Variants in GHR observed in about 807,000 individuals in gnomAD.
GHR encodes the protein GH receptor.
Under a neutral mutation model 67.1 loss-of-function variants are expected in GHR, and 35 were observed. The ratio of observed to expected loss-of-function variants is 0.52; its 90% confidence interval spans 0.40 to 0.69. GHR has a LOEUF of 0.69. GHR is among the 30% of genes least tolerant of loss of function. The pLI is 0.00. For missense variants in GHR, 792 were observed against 764.6 expected (o/e 1.04, Z -0.42); for synonymous variants, 272 against 269.1 (o/e 1.01, Z -0.10).
rs1448385859 is a variant in GHR at position 42,661,653 on chromosome 5, CCAAATTGTAAAGACCAT to C, written c.137-27233_137-27217del. On this transcript the variant is annotated intron_variant, in intron 3 of 9. Transcript: ENST00000230882. ...AGGTACCAGCCACTGCAAAATCATGCCAAATTGTAAAGACCATCAAGGCTAGGAAGAAACTGCATCAA... is the reference window on the plus strand; with the variant it reads ...AGGTACCAGCCACTGCAAAATCATGCCAAGGCTAGGAAGAAACTGCATCAA... Among the ~76,000 whole-genome samples, 446 of 152,252 alleles carry C rather than the reference CCAAATTGTAAAGACCAT, an allele frequency of 2.9e-3. 2 individuals are homozygous for C. The highest frequency in any genetic ancestry group is 5.4e-3 in the Admixed American group (82 of 15,302).
intron 1 of GHR, among the ~76,000 whole-genome samples, chr5:42,497,932 G>A (rs1746386871): frequency 6.6e-6 from 1 of 152,114 alleles, no homozygotes; most frequent in African/African-American, 2.4e-5. Context: ...GTATCTTCAG[G>A]CCCTGAAGTC....
chr5:42,624,261 A>G (rs1347449624), intron 2 of GHR, among the ~76,000 whole-genome samples: 1 of 152,182 alleles, frequency 6.6e-6, no homozygotes, highest in Non-Finnish European at 1.5e-5. Flanking sequence ...GGGCTCCCCA[A>G]GCATTTCCAG....
At chr5:42,468,530 G>A in intron 1 of GHR, 1 of 805,286 alleles carries the variant, frequency 1.2e-6, no homozygotes, top group Non-Finnish European at 2.0e-6. Context: ...AGCTCCTACT[G>A]GCACGAGAAC....
intron 2 of GHR, among the ~76,000 whole-genome samples, chr5:42,609,158 A>T (rs1332030460): frequency 6.6e-6 from 1 of 152,184 alleles, no homozygotes; most frequent in Non-Finnish European, 1.5e-5. Context: ...ACTAGCTCCC[A>T]GGCCTGAAAG....
chr5:42,574,422 G>A (rs73751217), intron 2 of GHR, among the ~76,000 whole-genome samples: 1,653 of 152,336 alleles, frequency 0.011, 38 homozygotes, highest in African/African-American at 0.038. Context: ...TCGTAAGCAC[G>A]GTTGACTAGC....
intron 6 of GHR, 91 bp downstream of exon 6, chr5:42,700,093 A>G (rs1383671698): frequency 9.1e-6 from 7 of 769,282 alleles, no homozygotes; most frequent in African/African-American, 3.4e-5. Flanking sequence ...TTGACCTAAT[A>G]CCACATGTTC....
chr5:42,555,282 G>T (rs1158274337), intron 1 of GHR, among the ~76,000 whole-genome samples: 2 of 152,198 alleles, frequency 1.3e-5, no homozygotes, highest in Non-Finnish European at 2.9e-5. Context: ...CTTGAGCAAT[G>T]TAATACAGCC....
rs899144611 is a variant in GHR at position 42,565,588 on chromosome 5, G to A, written c.-11-276G>A. The A allele has an allele frequency of 5.1e-6, 5 of 985,354 alleles. No homozygotes were observed. The African/African-American group carries it at 8.7e-5, about 17-fold the overall frequency. 61.0% of individuals were successfully genotyped at this position (985,354 alleles called of 1,614,324 possible). ...GCATGGGGGTCGTTTGCTGTGAGGT[G>A]TTTCTATGGCTTTGAGCCAGGGTAT... On this transcript the variant is annotated intron_variant, in intron 1 of 9. Coordinates refer to ENST00000230882, the MANE Select transcript of GHR (RefSeq NM_000163.5).
At chr5:42,544,111 C>A (rs1009625293) in intron 1 of GHR, among the ~76,000 whole-genome samples, 1 of 152,086 alleles carries the variant, frequency 6.6e-6, no homozygotes, top group African/African-American at 2.4e-5. Flanking sequence ...TGGCAAAAAT[C>A]AAGCTGATTA....
intron 3 of GHR, among the ~76,000 whole-genome samples, chr5:42,668,844 T>C (rs1245815237): frequency 1.3e-5 from 2 of 152,070 alleles, no homozygotes; most frequent in Non-Finnish European, 2.9e-5. Context: ...AAATCATAAG[T>C]TAGAAATGTC....
intron 2 of GHR, among the ~76,000 whole-genome samples, chr5:42,571,288 G>A (rs1750295325): frequency 6.6e-6 from 1 of 152,208 alleles, no homozygotes; most frequent in Non-Finnish European, 1.5e-5. Context: ...TCTACCCTGG[G>A]TCCTGCAGCT....
intron 2 of GHR, among the ~76,000 whole-genome samples, chr5:42,576,833 A>G (rs1387012575): frequency 6.6e-6 from 1 of 152,192 alleles, no homozygotes; most frequent in Non-Finnish European, 1.5e-5. Flanking sequence ...TTAATACAGC[A>G]AGTAGGTCTT....
intron 1 of GHR, chr5:42,467,395 C>G (rs930504785): frequency 1.2e-5 from 11 of 938,102 alleles, no homozygotes; most frequent in Non-Finnish European, 1.7e-5. Flanking sequence ...GGGCTTCTCC[C>G]CAGTGTGGAT....
chr5:42,660,536 C>G (rs896156695), intron 3 of GHR, among the ~76,000 whole-genome samples: 1 of 152,214 alleles, frequency 6.6e-6, no homozygotes, highest in Non-Finnish European at 1.5e-5. Flanking sequence ...TCCAACAGAC[C>G]TGCAGCTGAG....
intron 1 of GHR, among the ~76,000 whole-genome samples, chr5:42,485,915 A>G (rs1579799374): frequency 6.6e-6 from 1 of 152,208 alleles, no homozygotes; most frequent in Non-Finnish European, 1.5e-5. Context: ...ACTGAAGTCC[A>G]TACTCTACCC....
rs1033209852 is a variant in GHR at position 42,423,878 on chromosome 5, G to C, written c.-89G>C. The C allele has an allele frequency of 6.4e-6, 1 of 156,606 alleles. No homozygotes were observed. Among genetic ancestry groups the C allele is most frequent in the Non-Finnish European group, 1.4e-5 (1 of 71,142 alleles). The allele number at this position is 156,606 out of a possible 1,614,324, so 9.7% of individuals were successfully genotyped here. A position where few individuals can be genotyped will look rare whatever the true frequency, so the allele number is the denominator to read the frequency against. ...GGCGGGGACCCCGGGCTGGGGCCAC[G>C]CGGGCCGGAGGCCCCGGCACCATTG... is the stretch of plus-strand genomic sequence containing the variant. On this transcript the variant is annotated 5_prime_UTR_variant, in exon 1 of 10. Coordinates refer to ENST00000230882, the MANE Select transcript of GHR (RefSeq NM_000163.5).
chr5:42,522,729 T>C (rs898222116), intron 1 of GHR, among the ~76,000 whole-genome samples: 14 of 152,196 alleles, frequency 9.2e-5, no homozygotes, highest in Admixed American at 9.2e-4. Flanking sequence ...ACTTCCAAGA[T>C]TGTTTTTGTG....
intron 1 of GHR, among the ~76,000 whole-genome samples, chr5:42,479,514 C>T (rs937168380): frequency 2.0e-5 from 3 of 152,130 alleles, no homozygotes; most frequent in African/African-American, 7.2e-5. Context: ...CCATCTGGTC[C>T]TGGACTTTTT....
At chr5:42,688,314 A>G (rs1757256900) in intron 3 of GHR, among the ~76,000 whole-genome samples, 1 of 152,230 alleles carries the variant, frequency 6.6e-6, no homozygotes, top group Admixed American at 6.5e-5. Flanking sequence ...GCTCATGTGC[A>G]GGTACAGCCT....
Sources: gnomAD v4.1 joint callset for allele counts (sites outside exome capture counted in the v4.1 genomes callset) on GRCh38, gnomAD v4.1.1 for gene constraint, MANE v1.5 for transcripts, NCBI Gene and HGNC (gene_info 2026-07-23, HGNC 2026-07-21) for gene names.